The following PRKN variants were observed in gnomAD, a reference collection of about 807,000 sequenced individuals.
The protein encoded by PRKN is parkin RBR E3 ubiquitin protein ligase, also known as E3 ubiquitin-protein ligase parkin.
A neutral mutation model predicts 59.5 loss-of-function variants in PRKN; 56 were observed. The observed-to-expected ratio is 0.94, with a 90% CI of 0.76 to 1.18. PRKN has a LOEUF of 1.18. Among genes scored for constraint, PRKN ranks in the 50% most tolerant of loss-of-function variants. The pLI is 0.00. For missense variants in PRKN, 657 were observed against 596.4 expected (o/e 1.10, Z -1.06); for synonymous variants, 250 against 222.1 (o/e 1.13, Z -1.12).
intron 6 of PRKN, among the ~76,000 whole-genome samples, chr6:161,967,892 G>A (rs1051556091): frequency 1.3e-5 from 2 of 152,120 alleles, no homozygotes; most frequent in African/African-American, 4.8e-5. Context: ...ATAAGATAAG[G>A]TGAACATTTA....
rs959351534 is a variant in PRKN at position 161,949,459 on chromosome 6, C to T, written c.734+23843G>A. Reference sequence around the variant, plus strand: ...CCAGGAGGTGGAGGTTGCGGTGAGCCGAGTTTGCGCCACTGCACTCCAGCC... The same window carrying T: ...CCAGGAGGTGGAGGTTGCGGTGAGCTGAGTTTGCGCCACTGCACTCCAGCC... On this transcript the variant is annotated intron_variant, in intron 6 of 11. Transcript: ENST00000366898. Among the ~76,000 whole-genome samples the T allele has an allele frequency of 1.3e-4, 20 of 152,172 alleles. 1 individual carries two copies. In the South Asian group the frequency reaches 3.1e-3, roughly 24 times the overall value.
In PRKN at chr6:161,386,272, C is replaced by T. The variant is rs894199081; in HGVS notation, c.1167+522G>A. Among the ~76,000 whole-genome samples the T allele has an allele frequency of 3.9e-5, 6 of 152,140 alleles. No homozygotes were observed. Among genetic ancestry groups the T allele is most frequent in the African/African-American group, 1.4e-4 (6 of 41,426 alleles). ...GCACTTTCCTAAGACTGAGATAGCA[C>T]CTTAGAGAGTGAGGCTCGGCCAACA... On this transcript the variant is annotated intron_variant, in intron 10 of 11. Coordinates refer to ENST00000366898, the MANE Select transcript of PRKN (RefSeq NM_004562.3). This position sits in a 1 kb window ranked among gnomAD's most constrained non-coding sequence, Gnocchi z 4.3.
intron 2 of PRKN, among the ~76,000 whole-genome samples, chr6:162,410,082 T>A (rs1448914158): frequency 1.3e-5 from 2 of 152,212 alleles, no homozygotes; most frequent in African/African-American, 4.8e-5. Context: ...TCTAGGCATT[T>A]TTGTTTTTAG....
At chr6:161,710,462 TTTC>T (rs368585710) in intron 7 of PRKN, among the ~76,000 whole-genome samples, 15 of 152,198 alleles carry the variant, frequency 9.9e-5, no homozygotes, top group Admixed American at 5.2e-4. Context: ...TTGTATGTTT[TTTC>T]TTCTTCTTCT....
intron 6 of PRKN, among the ~76,000 whole-genome samples, chr6:161,805,501 C>T (rs1451409161): frequency 2.0e-5 from 3 of 151,794 alleles, no homozygotes; most frequent in African/African-American, 7.3e-5. Flanking sequence ...CACACATGTA[C>T]ACATAGAGCT....
rs77485919 is a variant in PRKN, at chr6:161,456,856, A to G, written c.1084-69979T>C. Reference sequence around the variant, plus strand: ...CTTCCTCAGGAGAAGAGATGGTCTCATTGCTCAGGGAACCTTTTCTCCTAG... The same window carrying G: ...CTTCCTCAGGAGAAGAGATGGTCTCGTTGCTCAGGGAACCTTTTCTCCTAG... On this transcript the variant is annotated intron_variant, in intron 9 of 11. Coordinates refer to ENST00000366898, the MANE Select transcript of PRKN (RefSeq NM_004562.3). The surrounding 1 kb of genome is among the most constrained non-coding windows in gnomAD (Gnocchi z 4.8). 0.014 allele frequency among the ~76,000 whole-genome samples: 2,066 copies of G among 152,254 alleles called. 57 individuals are homozygous for G. The highest frequency in any genetic ancestry group is 0.047 in the African/African-American group (1,940 of 41,532).
chr6:161,815,480 A>G (rs1473680878), intron 6 of PRKN, among the ~76,000 whole-genome samples: 1 of 152,226 alleles, frequency 6.6e-6, no homozygotes, highest in Non-Finnish European at 1.5e-5. Flanking sequence ...TCAACTTTCA[A>G]AAGTGCCTTA....
chr6:161,574,024 A>T, intron 7 of PRKN, among the ~76,000 whole-genome samples: 1 of 151,832 alleles, frequency 6.6e-6, no homozygotes, highest in East Asian at 1.9e-4. Flanking sequence ...TTAACAGAAG[A>T]CTAGATAATT....
intron 1 of PRKN, among the ~76,000 whole-genome samples, chr6:162,673,733 TCC>T (rs1779427620): frequency 1.3e-5 from 2 of 151,950 alleles, no homozygotes; most frequent in African/African-American, 4.8e-5. Flanking sequence ...AACCAAAACA[TCC>T]AAACCATACA....
intron 5 of PRKN, among the ~76,000 whole-genome samples, chr6:161,986,793 C>A (rs887483436): frequency 2.0e-4 from 7 of 35,628 alleles, no homozygotes; most frequent in African/African-American, 9.7e-4. Context: ...AACAGCCAGA[C>A]CTGAGAAATG....
intron 6 of PRKN, among the ~76,000 whole-genome samples, chr6:161,830,487 C>T (rs1456952973): frequency 2.6e-5 from 4 of 152,100 alleles, no homozygotes; most frequent in African/African-American, 4.8e-5. Context: ...CTCCTGACCT[C>T]GTGATCTGCC....
chr6:162,716,786 G>GCACACACACA (rs67307025), intron 1 of PRKN, among the ~76,000 whole-genome samples: 105 of 148,826 alleles, frequency 7.1e-4, no homozygotes, highest in African/African-American at 1.5e-4. Flanking sequence ...ACACACACGC[G>GCACACACACA]CACACACACA....
Position 161,488,215 on chromosome 6 carries a change from G to A in PRKN, c.1083+60639C>T, listed in dbSNP as rs147596227. Among the ~76,000 whole-genome samples the A allele has an allele frequency of 1.4e-4, 21 of 152,284 alleles. No homozygotes were observed. The highest frequency in any genetic ancestry group is 3.4e-3 in the Middle Eastern group (1 of 294). ...TGAAGGAAGGTCCTCCAGGAAGGGAGAGTCATGGCCCTAGGAAGAGGACAA... is the reference window on the plus strand; with the variant it reads ...TGAAGGAAGGTCCTCCAGGAAGGGAAAGTCATGGCCCTAGGAAGAGGACAA... On this transcript the variant is annotated intron_variant, in intron 9 of 11. Coordinates refer to ENST00000366898, the MANE Select transcript of PRKN (RefSeq NM_004562.3). The surrounding 1 kb of genome is among the most constrained non-coding windows in gnomAD (Gnocchi z 4.5).
At position 162,372,568 on chromosome 6, in the gene PRKN, T is replaced by G. The variant is rs76866883; in HGVS notation, c.171+70742A>C. ...CACTGGGGACTACTAGAGAGGGGAGTGAGGGAGGAGGGAGGGTTGAAAAAC... is the reference window on the plus strand; with the variant it reads ...CACTGGGGACTACTAGAGAGGGGAGGGAGGGAGGAGGGAGGGTTGAAAAAC... On this transcript the variant is annotated intron_variant, in intron 2 of 11. Coordinates refer to ENST00000366898, the MANE Select transcript of PRKN (RefSeq NM_004562.3). Among the ~76,000 whole-genome samples, 1,249 of 150,282 alleles carry G rather than the reference T, an allele frequency of 8.3e-3. 18 individuals are homozygous for G. The highest frequency in any genetic ancestry group is 0.029 in the African/African-American group (1,167 of 40,870).
chr6:161,426,895 A>C (rs979597127), intron 9 of PRKN, among the ~76,000 whole-genome samples: 36 of 149,344 alleles, frequency 2.4e-4, no homozygotes, highest in African/African-American at 8.7e-4. Flanking sequence ...ATTTTTTCGT[A>C]TTTTTAGTAG....
chr6:162,618,945 T>C (rs1782541841), intron 1 of PRKN, among the ~76,000 whole-genome samples: 1 of 152,184 alleles, frequency 6.6e-6, no homozygotes, highest in East Asian at 1.9e-4. Flanking sequence ...TCTTAAAAAG[T>C]ACAGGATTCT....
At chr6:162,652,173 C>T (rs182356401) in intron 1 of PRKN, among the ~76,000 whole-genome samples, 4 of 152,258 alleles carry the variant, frequency 2.6e-5, no homozygotes, top group South Asian at 2.1e-4. Context: ...GTGGCAAAAC[C>T]GCCCCAGTTG....
Position 162,225,886 on chromosome 6 carries a change from G to GTATA in PRKN, c.413-24638_413-24635dup, listed in dbSNP as rs58925653. Among the ~76,000 whole-genome samples, 1,285 of 143,150 alleles carry GTATA rather than the reference G, an allele frequency of 9.0e-3. 18 individuals are homozygous for GTATA. The highest frequency in any genetic ancestry group is 0.028 in the African/African-American group (1,115 of 39,302). 93.9% of individuals were successfully genotyped at this position (143,150 alleles called of 152,430 possible). A position where few individuals can be genotyped will look rare whatever the true frequency, so the allele number is the denominator to read the frequency against. On this transcript the variant is annotated intron_variant, in intron 3 of 11. Coordinates refer to ENST00000366898, the MANE Select transcript of PRKN (RefSeq NM_004562.3). ...AAATGACTGCTGTTAATGTAGGGCT[G>GTATA]TATATATATATATATATATACTTTT...
intron 1 of PRKN, among the ~76,000 whole-genome samples, chr6:162,555,355 T>TA (rs533222530): frequency 5.8e-4 from 89 of 152,244 alleles, no homozygotes; most frequent in African/African-American, 1.9e-3. Flanking sequence ...ATTTAAAAGT[T>TA]AAAAAAATTC....
Sources: gnomAD v4.1 joint callset for allele counts (sites outside exome capture counted in the v4.1 genomes callset) on GRCh38, gnomAD v4.1.1 for gene constraint, Gnocchi (gnomAD v3.1) non-coding constraint, MANE v1.5 for transcripts, NCBI Gene and HGNC (gene_info 2026-07-23, HGNC 2026-07-21) for gene names.